The following RCOR1 variants were observed in gnomAD, a reference collection of about 807,000 sequenced individuals.
RCOR1 encodes REST corepressor.
Under a neutral mutation model 64.0 loss-of-function variants are expected in RCOR1, and 12 were observed. The ratio of observed to expected loss-of-function variants is 0.19; its 90% confidence interval spans 0.12 to 0.30. RCOR1 has a LOEUF of 0.30. Ranked by LOEUF, RCOR1 falls within the 10% of genes least tolerant of loss-of-function variation. RCOR1 has a pLI of 1.00. For synonymous variants in RCOR1, 279 were observed against 227.2 expected (o/e 1.23, Z -2.05); for missense variants, 502 against 621.2 (o/e 0.81, Z 2.04).
intron 2 of RCOR1, among the ~76,000 whole-genome samples, chr14:102,654,775 C>T (rs1894687185): frequency 1.3e-5 from 2 of 149,508 alleles, no homozygotes; most frequent in South Asian, 2.1e-4. Context: ...CACCTCTTTC[C>T]CTGTGGTTGA....
chr14:102,711,912 G>A (rs965058034), intron 7 of RCOR1, among the ~76,000 whole-genome samples: 4 of 152,088 alleles, frequency 2.6e-5, no homozygotes, highest in East Asian at 1.9e-4. Flanking sequence ...GTATATGCCT[G>A]TATATTCATA....
chr14:102,636,316 C>T (rs917095687), intron 2 of RCOR1, among the ~76,000 whole-genome samples: 9 of 151,926 alleles, frequency 5.9e-5, no homozygotes, highest in African/African-American at 2.2e-4. Flanking sequence ...TTGCTCTTGT[C>T]GCCCAGGCTG....
intron 2 of RCOR1, among the ~76,000 whole-genome samples, chr14:102,676,738 C>T (rs1161168707): frequency 1.7e-5 from 2 of 115,358 alleles, no homozygotes; most frequent in Admixed American, 7.6e-5. Flanking sequence ...GGCTGACCCC[C>T]CCCACCTCCC....
rs374222407 is a variant in RCOR1, at chr14:102,713,214, A to T, written c.859-1209A>T. Among the ~76,000 whole-genome samples the T allele has an allele frequency of 4.0e-5, 6 of 151,246 alleles. No individual in the cohort carries two copies. In the East Asian group the frequency reaches 7.8e-4, roughly 20 times the overall value. Reference sequence around the variant, plus strand: ...AGTGATCCACCCACCTCGGCCTCCTAAAGTGCTGAGATTACAGCCGTGAGC... The same window carrying T: ...AGTGATCCACCCACCTCGGCCTCCTTAAGTGCTGAGATTACAGCCGTGAGC... On this transcript the variant is annotated intron_variant, in intron 7 of 11. Transcript: ENST00000262241.
intron 2 of RCOR1, among the ~76,000 whole-genome samples, chr14:102,645,473 C>A (rs1222357087): frequency 1.3e-5 from 2 of 152,060 alleles, no homozygotes; most frequent in South Asian, 2.1e-4. Flanking sequence ...AACAGGGGAC[C>A]CTTTTCCTGT....
At chr14:102,662,395 G>T in intron 2 of RCOR1, 1 of 563,004 alleles carries the variant, frequency 1.8e-6, no homozygotes, top group Admixed American at 1.9e-5. Context: ...TCTGGTGCCT[G>T]TTGGCTTTAA....
chr14:102,689,015 A>G (rs1595231281), intron 3 of RCOR1, among the ~76,000 whole-genome samples: 1 of 152,170 alleles, frequency 6.6e-6, no homozygotes, highest in African/African-American at 2.4e-5. Context: ...ACACCACTGC[A>G]CTGCGCAGTG....
At chr14:102,617,922 AT>A (rs1171920354) in intron 2 of RCOR1, among the ~76,000 whole-genome samples, 2 of 141,156 alleles carry the variant, frequency 1.4e-5, no homozygotes, top group Non-Finnish European at 3.1e-5. Flanking sequence ...GAACACAGTA[AT>A]TTTTCTCTTT....
chr14:102,657,971 TTAA>T, intron 2 of RCOR1: 1 of 957,692 alleles, frequency 1.0e-6, no homozygotes, highest in South Asian at 4.8e-5. Context: ...TTTAATTTAA[TTAA>T]TTTTTATTTA....
chr14:102,677,894 A>G (rs1477919979), intron 2 of RCOR1, among the ~76,000 whole-genome samples: 3 of 151,724 alleles, frequency 2.0e-5, no homozygotes, highest in Non-Finnish European at 4.4e-5. Context: ...ACGCCACTGC[A>G]CTCCAGCCTG....
chr14:102,726,525 C>A lies in RCOR1; in HGVS notation c.*19C>A. The A allele has an allele frequency of 6.3e-7, 1 of 1,598,126 alleles. No homozygotes were observed. The highest frequency in any genetic ancestry group is 8.5e-7 in the Non-Finnish European group (1 of 1,172,096). On this transcript the variant is annotated 3_prime_UTR_variant, in exon 12 of 12. Transcript: ENST00000262241. ...CTCCTGAGAAACTGGTGGCTTTGAA[C>A]ACTTGGTGTGGACTACTGTGTTATC...
intron 2 of RCOR1, among the ~76,000 whole-genome samples, chr14:102,620,070 T>C (rs945508858): frequency 1.6e-4 from 24 of 152,150 alleles, no homozygotes; most frequent in African/African-American, 5.6e-4. Context: ...ACAGTAGCTT[T>C]CTTGTAAATC....
chr14:102,721,673 T>G, intron 10 of RCOR1: 1 of 265,834 alleles, frequency 3.8e-6, no homozygotes, highest in East Asian at 7.0e-5. Context: ...TATGTCCTAG[T>G]GGATATCATT....
chr14:102,637,275 C>T (rs894267537), intron 2 of RCOR1, among the ~76,000 whole-genome samples: 1 of 151,192 alleles, frequency 6.6e-6, no homozygotes, highest in African/African-American at 2.4e-5. Flanking sequence ...TACAGGCGCC[C>T]GCCACCATGC....
intron 2 of RCOR1, chr14:102,656,170 C>T (rs559466414): frequency 5.6e-5 from 53 of 941,362 alleles, no homozygotes; most frequent in African/African-American, 1.1e-4. Flanking sequence ...GACAGAGTCT[C>T]GCTGTGTCGC....
chr14:102,672,660 G>A (rs988644143), intron 2 of RCOR1, among the ~76,000 whole-genome samples: 3 of 152,134 alleles, frequency 2.0e-5, no homozygotes, highest in African/African-American at 7.2e-5. Flanking sequence ...TATCCAATAT[G>A]CTCAACCTCT....
chr14:102,691,460 G>A lies in RCOR1; in HGVS notation c.445+9482G>A, dbSNP rs576283412. 2.7e-4 allele frequency among the ~76,000 whole-genome samples: 41 copies of A among 152,020 alleles called. 1 individual carries two copies. The South Asian group carries it at 8.1e-3, about 30-fold the overall frequency. On this transcript the variant is annotated intron_variant, in intron 3 of 11. Coordinates refer to ENST00000262241, the MANE Select transcript of RCOR1 (RefSeq NM_015156.4). ...CCCGATTCTAAAATAAAAAGTTGAGGGAAAAAAACAAAACAAAACAACTTA... is the reference window on the plus strand; with the variant it reads ...CCCGATTCTAAAATAAAAAGTTGAGAGAAAAAAACAAAACAAAACAACTTA...
At chr14:102,679,083 A>G (rs893004308) in intron 2 of RCOR1, among the ~76,000 whole-genome samples, 2 of 152,220 alleles carry the variant, frequency 1.3e-5, no homozygotes, top group Non-Finnish European at 2.9e-5. Flanking sequence ...GTGTATCTCA[A>G]CAGTGCCTTT....
Position 102,592,859 on chromosome 14 carries a change from C to T in RCOR1, c.-28C>T. Reference sequence around the variant, plus strand: ...CTCCTCAGGAGCCGCGGGTCCCCGCCACTTTCGCACGGCCCCGGCCCCCGC... The same window carrying T: ...CTCCTCAGGAGCCGCGGGTCCCCGCTACTTTCGCACGGCCCCGGCCCCCGC... On this transcript the variant is annotated 5_prime_UTR_variant, in exon 1 of 12. Coordinates refer to ENST00000262241, the MANE Select transcript of RCOR1 (RefSeq NM_015156.4). 2.5e-6 allele frequency: 3 copies of T among 1,183,232 alleles called. No homozygotes were observed. Among genetic ancestry groups the T allele is most frequent in the Non-Finnish European group, 3.1e-6 (3 of 958,992 alleles). 73.3% of individuals were successfully genotyped at this position (1,183,232 alleles called of 1,614,324 possible). A position where few individuals can be genotyped will look rare whatever the true frequency, so the allele number is the denominator to read the frequency against.
Sources: allele counts gnomAD v4.1 joint callset (sites outside exome capture counted in the v4.1 genomes callset), GRCh38; gene constraint gnomAD v4.1.1; transcripts MANE v1.5; gene names NCBI Gene and HGNC (gene_info 2026-07-23, HGNC 2026-07-21).